The following PCDHGA2 variants were observed in gnomAD, a reference collection of about 807,000 sequenced individuals.
PCDHGA2 encodes the protein protocadherin gamma subfamily A, 2.
A neutral mutation model predicts 59.2 loss-of-function variants in PCDHGA2; 40 were observed. The ratio of observed to expected loss-of-function variants is 0.68; its 90% CI spans 0.52 to 0.88. The LOEUF is 0.88. Ranked by LOEUF, PCDHGA2 falls within the 40% of genes least tolerant of loss-of-function variation. The pLI, the probability that PCDHGA2 is intolerant of heterozygous loss-of-function variation, is 0.00. For missense variants in PCDHGA2, 1,226 were observed against 1,204.0 expected (o/e 1.02, Z -0.27); for synonymous variants, 560 against 526.0 (o/e 1.06, Z -0.89).
chr5:141,404,759 T>C, intron 1 of PCDHGA2: 2 of 1,613,632 alleles, frequency 1.2e-6, no homozygotes, highest in Non-Finnish European at 1.7e-6. Flanking sequence ...CCAGAATGCT[T>C]GGCTCTCCTA....
intron 1 of PCDHGA2, chr5:141,393,085 A>T (rs1350561914): frequency 5.6e-6 from 9 of 1,613,542 alleles, no homozygotes; most frequent in Non-Finnish European, 7.6e-6. Flanking sequence ...GGCAGGATAG[A>T]TCGGGAGGAG....
Position 141,432,153 on chromosome 5 carries a change from A to T in PCDHGA2, c.2425-62654A>T. 6.2e-7 allele frequency: 1 copy of T among 1,613,758 alleles called. No homozygotes were observed. The highest frequency in any genetic ancestry group is 8.5e-7 in the Non-Finnish European group (1 of 1,179,910). On this transcript the variant is annotated intron_variant, in intron 1 of 3. Transcript: ENST00000394576. This position sits in a 1 kb window ranked among gnomAD's most constrained non-coding sequence, Gnocchi z 6.0. ...TATTCCGCTTATATCCCAGAGAACA[A>T]TCCCAGAGGAGTTTCCCTCGTCTCT...
intron 1 of PCDHGA2, chr5:141,351,549 C>T (rs1261569465): frequency 1.2e-6 from 2 of 1,614,036 alleles, no homozygotes; most frequent in South Asian, 1.1e-5. Flanking sequence ...GCCCTTTCCT[C>T]CAGGACAAGC....
At chr5:141,394,235 G>C (rs1444438979) in intron 1 of PCDHGA2, 1 of 1,613,820 alleles carries the variant, frequency 6.2e-7, no homozygotes, top group South Asian at 1.1e-5. Flanking sequence ...TCTTTTCCTT[G>C]ACTGCACACG....
chr5:141,398,083 C>G, intron 1 of PCDHGA2: 1 of 1,599,552 alleles, frequency 6.3e-7, no homozygotes, highest in Non-Finnish European at 8.5e-7. Context: ...TTATTTGTAA[C>G]CTGGCGTCTC....
At chr5:141,452,076 G>A (rs978382005) in intron 1 of PCDHGA2, among the ~76,000 whole-genome samples, 3 of 152,092 alleles carry the variant, frequency 2.0e-5, no homozygotes, top group Non-Finnish European at 2.9e-5. Flanking sequence ...TTATTAGTTG[G>A]CATTATACAG....
At chr5:141,419,576 G>A (rs958064613) in intron 1 of PCDHGA2, 10 of 1,611,766 alleles carry the variant, frequency 6.2e-6, no homozygotes, top group Non-Finnish European at 6.8e-6. Flanking sequence ...CGACGGCTCC[G>A]CGCTCTTCGA....
At chr5:141,361,195 A>G (rs369211493) in intron 1 of PCDHGA2, 1 of 1,613,692 alleles carries the variant, frequency 6.2e-7, no homozygotes, top group Non-Finnish European at 8.5e-7. Context: ...TTCAGTATCT[A>G]CTCCCCTACC....
intron 1 of PCDHGA2, among the ~76,000 whole-genome samples, chr5:141,448,855 G>A (rs2098611434): frequency 6.6e-6 from 1 of 152,172 alleles, no homozygotes. Context: ...TGAGGCAGGA[G>A]AATGGCGTGA....
chr5:141,419,216 G>C, intron 1 of PCDHGA2: 3 of 1,613,886 alleles, frequency 1.9e-6, no homozygotes, highest in Admixed American at 1.7e-5. Flanking sequence ...GCCGGTTTTC[G>C]GACAGTCAGC....
intron 1 of PCDHGA2, chr5:141,345,111 G>A: frequency 6.2e-7 from 1 of 1,613,874 alleles, no homozygotes; most frequent in Non-Finnish European, 8.5e-7. Flanking sequence ...CCCAGAAGAG[G>A]GCACCGTTGG....
intron 1 of PCDHGA2, among the ~76,000 whole-genome samples, chr5:141,445,892 T>C (rs2154561169): frequency 6.6e-6 from 1 of 152,346 alleles, no homozygotes; most frequent in African/African-American, 2.4e-5. Context: ...TTAGGAGCTA[T>C]TAAAATATTT....
At chr5:141,374,714 G>T (rs1236113306) in intron 1 of PCDHGA2, 1 of 1,609,850 alleles carries the variant, frequency 6.2e-7, no homozygotes, top group Non-Finnish European at 8.5e-7. Flanking sequence ...TTACCGCCTG[G>T]TCCTTACTGC....
Position 141,486,929 on chromosome 5 carries a change from G to A in PCDHGA2, c.2425-7878G>A. 2.5e-6 allele frequency: 4 copies of A among 1,614,226 alleles called. No individual in the cohort carries two copies. Among genetic ancestry groups the A allele is most frequent in the Non-Finnish European group, 2.5e-6 (3 of 1,180,038 alleles). ...CCAAGCACTGCCTCCATCAGTTGGT[G>A]CTGGCCACCTAATCACAAAGGTGAC... On this transcript the variant is annotated intron_variant, in intron 1 of 3. Transcript: ENST00000394576. This position sits in a 1 kb window ranked among gnomAD's most constrained non-coding sequence, Gnocchi z 5.0.
Position 141,341,159 on chromosome 5 carries a change from G to A in PCDHGA2, c.2188G>A (p.Gly730Ser). The change falls in exon 1 of 4, where the codon GGC (glycine) becomes AGC (serine). Residue 730 changes from glycine (G) to serine (S), a missense_variant. Gly to Ser is a moderately conservative substitution (Grantham distance 56, BLOSUM62 0). Coordinates refer to ENST00000394576, the MANE Select transcript of PCDHGA2 (RefSeq NM_018915.4). ...GTCACGCCTGCTGCAGGCTTCAGGAGGCAGCTTGACAGGCATGCAGAGCTC... is the reference window on the plus strand; with the variant it reads ...GTCACGCCTGCTGCAGGCTTCAGGAAGCAGCTTGACAGGCATGCAGAGCTC... ...HKSRLLQASG[G>S]SLTGMQSSHF... The A allele has an allele frequency of 4.3e-6, 7 of 1,614,244 alleles. No homozygotes were observed. The highest frequency in any genetic ancestry group is 5.9e-6 in the Non-Finnish European group (7 of 1,180,038).
At chr5:141,351,841 A>G (rs3749777) in intron 1 of PCDHGA2, 152,910 of 1,613,066 alleles carry the variant, frequency 0.095, 8,979 homozygotes, top group African/African-American at 0.29. Context: ...TCGAGCTCAC[A>G]CTGCAGGCCA....
chr5:141,505,348 G>C, intron 2 of PCDHGA2, 45 bp from the exon 3 acceptor site: 1 of 1,613,358 alleles, frequency 6.2e-7, no homozygotes, highest in Non-Finnish European at 8.5e-7. Flanking sequence ...GGCATGAGCT[G>C]TGCCGGCCTG....
intron 1 of PCDHGA2, among the ~76,000 whole-genome samples, chr5:141,451,072 C>A (rs2098705989): frequency 6.6e-6 from 1 of 152,026 alleles, no homozygotes; most frequent in African/African-American, 2.4e-5. Context: ...TTGTGATCCA[C>A]CCACCTTGAC....
At chr5:141,497,018 A>G (rs988584487) in intron 2 of PCDHGA2, among the ~76,000 whole-genome samples, 1 of 152,084 alleles carries the variant, frequency 6.6e-6, no homozygotes, top group Non-Finnish European at 1.5e-5. Flanking sequence ...GTGAAACCCC[A>G]TCTCGATTAA....
Sources: gnomAD v4.1 joint callset for allele counts (sites outside exome capture counted in the v4.1 genomes callset) on GRCh38, gnomAD v4.1.1 for gene constraint, Gnocchi (gnomAD v3.1) non-coding constraint, MANE v1.5 for transcripts, NCBI Gene and HGNC (gene_info 2026-07-23, HGNC 2026-07-21) for gene names.